The following KMT2B variants were observed in gnomAD, a reference collection of about 807,000 sequenced individuals.
KMT2B encodes the protein lysine methyltransferase 2B.
A neutral mutation model predicts 255.3 loss-of-function variants in KMT2B; 22 were observed. The observed-to-expected ratio is 0.09, with a 90% CI of 0.06 to 0.12. KMT2B has a LOEUF of 0.12. Ranked by LOEUF, KMT2B falls within the 10% of genes least tolerant of loss-of-function variation. The pLI is 1.00. For synonymous variants in KMT2B, 1,730 were observed against 1,498.1 expected, an observed-to-expected ratio of 1.15 and a Z score of -3.57; for missense variants, 3,149 against 3,737.0, an observed-to-expected ratio of 0.84 and a Z score of 4.10.
chr19:35,731,168 G>A (rs938529440), intron 26 of KMT2B, among the ~76,000 whole-genome samples: 10 of 152,296 alleles, frequency 6.6e-5, no homozygotes, highest in East Asian at 1.9e-4. Context: ...CTCATGGAGC[G>A]CTCTCCAGTG....
chr19:35,720,829 T>C lies in KMT2B; in HGVS notation c.1482T>C (p.Pro494=). 1.3e-6 allele frequency: 2 copies of C among 1,544,862 alleles called. No homozygotes were observed. The highest frequency in any genetic ancestry group is 1.7e-6 in the Non-Finnish European group (2 of 1,143,508). ...GGGCAGGGCCAGAGGGCACCTCTCC[T>C]CCCACTCCAACCCCCAGCACCGCCA... is the stretch of plus-strand genomic sequence containing the variant. ...AARAGPEGTS[P]PTPTPSTATG... is the part of the protein sequence containing the mutation. Residue 494 remains proline, a synonymous_variant, in exon 3 of 37, where the codon CCT becomes CCC. Transcript: ENST00000420124.
chr19:35,734,888 G>A (rs578156800), intron 30 of KMT2B, among the ~76,000 whole-genome samples: 1 of 152,340 alleles, frequency 6.6e-6, no homozygotes, highest in African/African-American at 2.4e-5. Context: ...GCAGAGTGAC[G>A]TGGATTGAGA....
At position 35,733,011 on chromosome 19, in the gene KMT2B, C is replaced by T. The variant is rs1398355481; in HGVS notation, c.6462C>T (p.Ala2154=). 2 of 1,595,584 alleles carry T rather than the reference C, an allele frequency of 1.3e-6. No individual in the cohort carries two copies. Among genetic ancestry groups the T allele is most frequent in the Non-Finnish European group, 1.7e-6 (2 of 1,171,578 alleles). The stretch of plus-strand genomic sequence containing the variant: ...GCCAGCCCTCCCAAGGCCTGACCGC[C>T]AGCCCAGCTGACCCCACCCGCACAT... ...NGSQPSQGLT[A]SPADPTRTFA... Residue 2154 remains alanine, a synonymous_variant, in exon 28 of 37, where the codon GCC becomes GCT. Coordinates refer to ENST00000420124, the MANE Select transcript of KMT2B (RefSeq NM_014727.3). This position sits in a 1 kb window ranked among gnomAD's most constrained non-coding sequence, Gnocchi z 4.3.
intron 5 of KMT2B, 37 bp downstream of exon 5, chr19:35,722,755 G>T: frequency 6.5e-7 from 1 of 1,549,882 alleles, no homozygotes; most frequent in South Asian, 1.2e-5. Flanking sequence ...TCAGGTTTGG[G>T]GATGACCCCA....
intron 8 of KMT2B, among the ~76,000 whole-genome samples, chr19:35,724,389 T>C (rs935443895): frequency 1.3e-5 from 2 of 152,074 alleles, no homozygotes; most frequent in African/African-American, 4.8e-5. Context: ...TCTCAGCTGC[T>C]CAGGAGGCTG....
In KMT2B at chr19:35,732,575, C is replaced by T; in HGVS notation, c.6026C>T (p.Ala2009Val). Residue 2009 changes from alanine (A) to valine (V), a missense_variant, in exon 28 of 37, where the codon GCC becomes GTC. This residue lies in a region of KMT2B where 897 missense variants were observed against 825.3 expected (regional missense o/e 1.09). Transcript: ENST00000420124. ...GAGCCCTTCCAGGAAGAGATTGTAGCCGCTGGGGCCATGGGGAGCAGCCAC... is the reference window on the plus strand; with the variant it reads ...GAGCCCTTCCAGGAAGAGATTGTAGTCGCTGGGGCCATGGGGAGCAGCCAC... ...GTEPFQEEIVAAGAMGSSHGG... is the reference protein window; with the variant it reads ...GTEPFQEEIVVAGAMGSSHGG... 6.2e-7 allele frequency: 1 copy of T among 1,613,580 alleles called. No homozygotes were observed.
chr19:35,738,111 G>A lies in KMT2B; in HGVS notation c.7792G>A (p.Gly2598Arg). Residue 2598 changes from glycine (G) to arginine (R), a missense_variant, in exon 36 of 37, where the codon GGG becomes AGG. By Grantham distance (125) the Gly-to-Arg change is moderately radical. Coordinates refer to ENST00000420124, the MANE Select transcript of KMT2B (RefSeq NM_014727.3). This position sits in a 1 kb window ranked among gnomAD's most constrained non-coding sequence, Gnocchi z 8.7. ...GLFCKRNIDA[G>R]EMVIEYSGIV... ...GTTCTGTAAGCGCAACATCGACGCGGGGGAGATGGTCATCGAGTACTCTGG... is the reference window on the plus strand; with the variant it reads ...GTTCTGTAAGCGCAACATCGACGCGAGGGAGATGGTCATCGAGTACTCTGG... 6.2e-7 allele frequency: 1 copy of A among 1,613,846 alleles called. No homozygotes were observed. The highest frequency in any genetic ancestry group is 8.5e-7 in the Non-Finnish European group (1 of 1,179,860).
chr19:35,718,531 C>T lies in KMT2B; in HGVS notation c.363+150C>T. Reference sequence around the variant, plus strand: ...ACGGAGGGAGGGCGGCTGCATGCAGCTTCCGGGGGAAAGGGCCTCTGGAAG... The same window carrying T: ...ACGGAGGGAGGGCGGCTGCATGCAGTTTCCGGGGGAAAGGGCCTCTGGAAG... On this transcript the variant is annotated intron_variant, in intron 1 of 36. Coordinates refer to ENST00000420124, the MANE Select transcript of KMT2B (RefSeq NM_014727.3). The surrounding 1 kb of genome is among the most constrained non-coding windows in gnomAD (Gnocchi z 5.0). 2.0e-6 allele frequency: 2 copies of T among 986,354 alleles called. No homozygotes were observed. Among genetic ancestry groups the T allele is most frequent in the South Asian group, 5.2e-5 (1 of 19,356 alleles). 61.1% of individuals were successfully genotyped at this position (986,354 alleles called of 1,614,324 possible).
Position 35,733,861 on chromosome 19 carries a change from A to G in KMT2B, c.7148A>G (p.His2383Arg). ...GACCTGCTGCTTGAGTCCCAGTGGC[A>G]CCACTATTCAGGTAGGGACCGGCCT... is the stretch of plus-strand genomic sequence containing the variant. ...PPDLLLESQW[H>R]HYSGEASSSE... The change falls in exon 30 of 37, where the codon CAC becomes CGC. Residue 2383 changes from histidine to arginine, a missense_variant. Physicochemically the swap from His to Arg is conservative, Grantham distance 29. Transcript: ENST00000420124. This position sits in a 1 kb window ranked among gnomAD's most constrained non-coding sequence, Gnocchi z 4.3. 6.2e-7 allele frequency: 1 copy of G among 1,612,278 alleles called. No homozygotes were observed. Among genetic ancestry groups the G allele is most frequent in the East Asian group, 2.2e-5 (1 of 44,844 alleles).
chr19:35,737,761 G>A lies in KMT2B; in HGVS notation c.7658+18G>A, dbSNP rs1157335851. ...TCAACCAGGTATGGAGTGTGAGCTG[G>A]GGGGCGGGTGGTGGTCTGGAAGGGT... On this transcript the variant is annotated intron_variant, in intron 34 of 36. Transcript: ENST00000420124. This position sits in a 1 kb window ranked among gnomAD's most constrained non-coding sequence, Gnocchi z 5.3. The A allele has an allele frequency of 6.4e-7, 1 of 1,557,758 alleles. No homozygotes were observed. The highest frequency in any genetic ancestry group is 1.2e-5 in the South Asian group (1 of 84,762).
chr19:35,728,319 C>T (rs1304407860), intron 19 of KMT2B, 148 bp downstream of exon 19: 15 of 673,120 alleles, frequency 2.2e-5, no homozygotes, highest in African/African-American at 3.6e-5. Context: ...GGTGAGATTC[C>T]CTGGTGGTTC....
At position 35,720,811 on chromosome 19, in the gene KMT2B, G is replaced by C; in HGVS notation, c.1464G>C (p.Gly488=). 6.6e-7 allele frequency: 1 copy of C among 1,524,594 alleles called. No individual in the cohort carries two copies. The highest frequency in any genetic ancestry group is 8.8e-7 in the Non-Finnish European group (1 of 1,132,532). 94.4% of individuals were successfully genotyped at this position (1,524,594 alleles called of 1,614,324 possible). A position where few individuals can be genotyped will look rare whatever the true frequency, so the allele number is the denominator to read the frequency against. ...QRAEREAARA[G]PEGTSPPTPT... ...CGGAGCGGGAAGCTGCTCGGGCAGGGCCAGAGGGCACCTCTCCTCCCACTC... is the reference window on the plus strand; with the variant it reads ...CGGAGCGGGAAGCTGCTCGGGCAGGCCCAGAGGGCACCTCTCCTCCCACTC... The change falls in exon 3 of 37, where the codon GGG becomes GGC. Residue 488 remains glycine, a synonymous_variant. Coordinates refer to ENST00000420124, the MANE Select transcript of KMT2B (RefSeq NM_014727.3).
chr19:35,737,255 C>G lies in KMT2B; in HGVS notation c.7542C>G (p.Val2514=). Residue 2514 remains valine (V), a synonymous_variant, in exon 33 of 37, where the codon GTC becomes GTG. Coordinates refer to ENST00000420124, the MANE Select transcript of KMT2B (RefSeq NM_014727.3). The surrounding 1 kb of genome is among the most constrained non-coding windows in gnomAD (Gnocchi z 5.3). ...LNPHGAARAE[V]YLRKCTFDMF... is the part of the protein sequence containing the mutation. ...CCCATGGGGCTGCTCGGGCAGAGGT[C>G]TATCTCCGGTGAGAGGTCTGGGGTG... 1 of 1,527,072 alleles carries G rather than the reference C, an allele frequency of 6.5e-7. No homozygotes were observed. The highest frequency in any genetic ancestry group is 8.8e-7 in the Non-Finnish European group (1 of 1,137,454). 94.6% of individuals were successfully genotyped at this position (1,527,072 alleles called of 1,614,324 possible).
In KMT2B at chr19:35,722,443, T is replaced by G. The variant is rs1969257715; in HGVS notation, c.2542T>G (p.Ser848Ala). 1 of 1,609,428 alleles carries G rather than the reference T, an allele frequency of 6.2e-7. No homozygotes were observed. Among genetic ancestry groups the G allele is most frequent in the Non-Finnish European group, 8.5e-7 (1 of 1,179,748 alleles). ...AGGCCCTGTCCGGTCTGAAGATGAG[T>G]CGGTGGAAGCTAAGAGAGAGCGGCC... Reference protein sequence around the residue: ...DRGPVRSEDESVEAKRERPSG... With the variant: ...DRGPVRSEDEAVEAKRERPSG... The change falls in exon 4 of 37, where the codon TCG becomes GCG. Residue 848 changes from serine (S) to alanine (A), a missense_variant. Around this residue, in one of 18 missense-constraint regions of KMT2B, gnomAD observed 1,188 missense variants for 1,106.4 expected, o/e 1.07. Transcript: ENST00000420124.
rs907295056 is a variant in KMT2B, at chr19:35,720,832, C to T, written c.1485C>T (p.Pro495=). Reference sequence around the variant, plus strand: ...CAGGGCCAGAGGGCACCTCTCCTCCCACTCCAACCCCCAGCACCGCCACGG... The same window carrying T: ...CAGGGCCAGAGGGCACCTCTCCTCCTACTCCAACCCCCAGCACCGCCACGG... ...ARAGPEGTSP[P]TPTPSTATGG... The change falls in exon 3 of 37, where the codon CCC becomes CCT. Residue 495 remains proline, a synonymous_variant. Transcript: ENST00000420124. 1.6e-5 allele frequency: 24 copies of T among 1,548,092 alleles called. No homozygotes were observed. The highest frequency in any genetic ancestry group is 1.9e-5 in the Admixed American group (1 of 52,628).
chr19:35,733,838 C>A lies in KMT2B; in HGVS notation c.7125C>A (p.Asp2375Glu). Residue 2375 changes from aspartate (D) to glutamate (E), a missense_variant, in exon 30 of 37, where the codon GAC (aspartate) becomes GAA (glutamate). Transcript: ENST00000420124. The surrounding 1 kb of genome is among the most constrained non-coding windows in gnomAD (Gnocchi z 4.3). ...CCCAGGTCCCCGATGGTCCCCCAGA[C>A]CTGCTGCTTGAGTCCCAGTGGCACC... Reference protein sequence around the residue: ...GPPQVPDGPPDLLLESQWHHY... With the variant: ...GPPQVPDGPPELLLESQWHHY... 1 of 1,613,704 alleles carries A rather than the reference C, an allele frequency of 6.2e-7. No homozygotes were observed. The highest frequency in any genetic ancestry group is 8.5e-7 in the Non-Finnish European group (1 of 1,179,678).
Position 35,719,826 on chromosome 19 carries a change from C to G in KMT2B, c.479C>G (p.Pro160Arg). ...RGRGRKHKTT[P>R]LPPPRLADVA... The stretch of plus-strand genomic sequence containing the variant: ...CGGGGTCGCAAGCATAAGACGACCC[C>G]CCTTCCTCCTCCTCGCCTAGCAGAT... The change falls in exon 3 of 37, where the codon CCC becomes CGC. Residue 160 changes from proline (P) to arginine (R), a missense_variant. By Grantham distance (103) the Pro-to-Arg change is moderately radical. Around this residue, in one of 18 missense-constraint regions of KMT2B, gnomAD observed 1,188 missense variants for 1,106.4 expected, o/e 1.07. Coordinates refer to ENST00000420124, the MANE Select transcript of KMT2B (RefSeq NM_014727.3). 1 of 1,610,872 alleles carries G rather than the reference C, an allele frequency of 6.2e-7. No individual in the cohort carries two copies.
In KMT2B at chr19:35,728,965, C is replaced by T. The variant is rs1161381725; in HGVS notation, c.4688-20C>T. ...CTCCGGGTCCTGATTCTTAGACCTC[C>T]CTTCACATTTCCTCTTCAGCATTCC... On this transcript the variant is annotated intron_variant, in intron 20 of 36. Coordinates refer to ENST00000420124, the MANE Select transcript of KMT2B (RefSeq NM_014727.3). 1.2e-6 allele frequency: 2 copies of T among 1,613,566 alleles called. No homozygotes were observed. Among genetic ancestry groups the T allele is most frequent in the African/African-American group, 1.3e-5 (1 of 74,914 alleles).
Position 35,719,393 on chromosome 19 carries a change from C to T in KMT2B, c.364-76C>T, listed in dbSNP as rs1208523945. 5 of 1,071,702 alleles carry T rather than the reference C, an allele frequency of 4.7e-6. No homozygotes were observed. The African/African-American group carries it at 6.4e-5, about 14-fold the overall frequency. 66.4% of individuals were successfully genotyped at this position (1,071,702 alleles called of 1,614,324 possible). A position where few individuals can be genotyped will look rare whatever the true frequency, so the allele number is the denominator to read the frequency against. On this transcript the variant is annotated intron_variant, in intron 1 of 36. Transcript: ENST00000420124. ...ATGCTAAGTGGGAACTGGGGATATT[C>T]CTCGATACCTCAGATGGAACGAGGG...
Sources: allele counts gnomAD v4.1 joint callset (sites outside exome capture counted in the v4.1 genomes callset), GRCh38; gene constraint gnomAD v4.1.1; regional missense constraint gnomAD v4.1.1; non-coding constraint Gnocchi (gnomAD v3.1); transcripts MANE v1.5; gene names NCBI Gene and HGNC (gene_info 2026-07-23, HGNC 2026-07-21).